Variants in HMG20A observed in about 807,000 individuals in gnomAD.
The protein encoded by HMG20A is high mobility group 20A, also known as high mobility group protein 20A.
A neutral mutation model predicts 43.9 loss-of-function variants in HMG20A; 17 were observed. The observed-to-expected ratio is 0.39, with a 90% confidence interval of 0.27 to 0.58. The LOEUF (loss-of-function observed/expected upper bound fraction) is 0.58. Ranked by LOEUF, HMG20A falls within the 20% of genes least tolerant of loss-of-function variation. The pLI, the probability that HMG20A is intolerant of heterozygous loss-of-function variation, is 0.59. For synonymous variants in HMG20A, 132 were observed against 147.5 expected (o/e 0.89, Z 0.76); for missense variants, 341 against 438.2 (o/e 0.78, Z 1.98).
At chr15:77,517,127 G>A in the HMG20A span, among the ~76,000 whole-genome samples, 1 of 152,194 alleles carries the variant, frequency 6.6e-6, no homozygotes, top group Non-Finnish European at 1.5e-5. Context: ...CCACTTGCCT[G>A]TCTGAATCCC....
At chr15:77,470,033 CTAA>C (rs1595928698) in intron 4 of HMG20A, among the ~76,000 whole-genome samples, 1 of 152,150 alleles carries the variant, frequency 6.6e-6, no homozygotes, top group East Asian at 1.9e-4. Context: ...ATAAATCATA[CTAA>C]TAATAGTATG....
At chr15:77,439,093 G>A (rs1336311038) in intron 1 of HMG20A, among the ~76,000 whole-genome samples, 2 of 152,126 alleles carry the variant, frequency 1.3e-5, no homozygotes, top group African/African-American at 4.8e-5. Context: ...ACGCCCGTCC[G>A]TAGGTTTGGA....
At chr15:77,447,492 A>G (rs978709998) in intron 1 of HMG20A, among the ~76,000 whole-genome samples, 1 of 152,168 alleles carries the variant, frequency 6.6e-6, no homozygotes, top group African/African-American at 2.4e-5. Flanking sequence ...AGGCATATAC[A>G]GTGATCCAAT....
chr15:77,455,923 G>A (rs2072650117), intron 1 of HMG20A, among the ~76,000 whole-genome samples: 1 of 152,102 alleles, frequency 6.6e-6, no homozygotes. Context: ...GACTAGTTTA[G>A]AGGCCTTTGG....
chr15:77,432,021 G>A (rs1038008296), intron 1 of HMG20A, among the ~76,000 whole-genome samples: 3 of 152,078 alleles, frequency 2.0e-5, no homozygotes, highest in African/African-American at 7.2e-5. Flanking sequence ...CATTTTCTGT[G>A]TTCATCTGTT....
chr15:77,472,089 G>A (rs2072814728), intron 6 of HMG20A, among the ~76,000 whole-genome samples: 1 of 152,082 alleles, frequency 6.6e-6, no homozygotes, highest in Admixed American at 6.6e-5. Flanking sequence ...AATTTGGAAT[G>A]AAGTATAGAA....
chr15:77,445,489 A>G (rs1005858264), intron 1 of HMG20A, among the ~76,000 whole-genome samples: 1 of 152,242 alleles, frequency 6.6e-6, no homozygotes, highest in Non-Finnish European at 1.5e-5. Context: ...AATCCTATAC[A>G]TATGGTACAC....
the HMG20A span, among the ~76,000 whole-genome samples, chr15:77,492,960 A>G: frequency 6.6e-6 from 1 of 152,128 alleles, no homozygotes. Flanking sequence ...ATTTTGGGTA[A>G]CTGTGGTCTG....
chr15:77,455,690 A>T (rs1333660037), intron 1 of HMG20A, among the ~76,000 whole-genome samples: 2 of 152,190 alleles, frequency 1.3e-5, no homozygotes, highest in Admixed American at 1.3e-4. Context: ...TTAGAGCAGC[A>T]TTCATTACAT....
intron 1 of HMG20A, among the ~76,000 whole-genome samples, chr15:77,441,852 A>G (rs534706623): frequency 3.3e-5 from 5 of 152,326 alleles, no homozygotes; most frequent in South Asian, 2.1e-4. Flanking sequence ...ATATTTGGAC[A>G]GAGTTTCTAG....
chr15:77,514,913 C>A, the HMG20A span, among the ~76,000 whole-genome samples: 11 of 152,106 alleles, frequency 7.2e-5, no homozygotes, highest in Admixed American at 1.3e-4. Flanking sequence ...GGCAGCTTTG[C>A]AGAATTGTCA....
At chr15:77,515,877 G>GTGGA in the HMG20A span, among the ~76,000 whole-genome samples, 1 of 151,688 alleles carries the variant, frequency 6.6e-6, no homozygotes, top group Non-Finnish European at 1.5e-5. Context: ...AAGAGTGGCA[G>GTGGA]TGGATCTGTG....
intron 1 of HMG20A, among the ~76,000 whole-genome samples, chr15:77,432,448 G>A (rs952181416): frequency 3.9e-5 from 6 of 151,970 alleles, no homozygotes; most frequent in South Asian, 2.1e-4. Context: ...TTGGCCAGTC[G>A]CAGTGGCTCA....
downstream of HMG20A, among the ~76,000 whole-genome samples, chr15:77,490,590 A>C (rs2072967383): frequency 1.3e-5 from 2 of 152,190 alleles, no homozygotes; most frequent in African/African-American, 4.8e-5. Context: ...TGGGAGGCCA[A>C]GGCGGGTAGA....
chr15:77,429,750 T>C (rs142471770), intron 1 of HMG20A, among the ~76,000 whole-genome samples: 93 of 152,326 alleles, frequency 6.1e-4, no homozygotes, highest in African/African-American at 2.0e-3. Flanking sequence ...GCCTATCTAC[T>C]CAGTGGGCTG....
intron 1 of HMG20A, among the ~76,000 whole-genome samples, chr15:77,442,751 T>TA (rs1399193478): frequency 6.6e-6 from 1 of 152,138 alleles, no homozygotes; most frequent in African/African-American, 2.4e-5. Flanking sequence ...AGGCTGGACT[T>TA]AGAAATCCTT....
the HMG20A span, among the ~76,000 whole-genome samples, chr15:77,516,183 G>A: frequency 1.3e-5 from 2 of 152,196 alleles, no homozygotes; most frequent in Non-Finnish European, 1.5e-5. Context: ...AAAAATGTAT[G>A]ACTTTTACAC....
intron 1 of HMG20A, among the ~76,000 whole-genome samples, chr15:77,443,433 C>G (rs972678652): frequency 1.4e-5 from 2 of 147,582 alleles, no homozygotes; most frequent in African/African-American, 2.5e-5. Flanking sequence ...ACTCTGTCAC[C>G]CAGACTGGAG....
the HMG20A span, among the ~76,000 whole-genome samples, chr15:77,511,550 T>G: frequency 1.3e-5 from 2 of 152,144 alleles, no homozygotes; most frequent in Admixed American, 6.5e-5. Flanking sequence ...ATATCCAGAA[T>G]ATATAAAGAA....
Sources: allele counts gnomAD v4.1 joint callset (sites outside exome capture counted in the v4.1 genomes callset), GRCh38; gene constraint gnomAD v4.1.1; transcripts MANE v1.5; gene names NCBI Gene and HGNC (gene_info 2026-07-23, HGNC 2026-07-21).